COL11A1: variants seen among roughly 807,000 people sequenced by gnomAD.
COL11A1 encodes the protein collagen alpha-1(XI) chain.
COL11A1 carries 74 observed loss-of-function variants against 265.2 expected under a neutral mutation model. That is an observed-to-expected ratio of 0.28 (90% CI 0.23 to 0.34). The LOEUF is 0.34. Ranked by LOEUF, COL11A1 falls within the 10% of genes least tolerant of loss-of-function variation. The pLI is 1.00. For synonymous variants in COL11A1, 816 were observed against 727.6 expected (o/e 1.12, Z -1.96); for missense variants, 2,165 against 2,263.6 (o/e 0.96, Z 0.88).
chr1:102,894,105 A>T (rs1156440295), intron 57 of COL11A1, among the ~76,000 whole-genome samples: 1 of 152,194 alleles, frequency 6.6e-6, no homozygotes, highest in Admixed American at 6.5e-5. Context: ...AACAAAATAA[A>T]ACCTTAAAGC....
rs533331434 is a variant in COL11A1 at position 102,931,993 on chromosome 1, C to T, written c.3600+2456G>A. Among the ~76,000 whole-genome samples, 139 of 150,254 alleles carry T rather than the reference C, an allele frequency of 9.3e-4. 1 individual carries two copies. In the Middle Eastern group the frequency reaches 0.01, roughly 11 times the overall value. Reference sequence around the variant, plus strand: ...TTTTGAGCCTATGTGTGTCTCTGCACGTGAGATGGGTTTCCTGAATACAGC... The same window carrying T: ...TTTTGAGCCTATGTGTGTCTCTGCATGTGAGATGGGTTTCCTGAATACAGC... On this transcript the variant is annotated intron_variant, in intron 46 of 66. Transcript: ENST00000370096.
intron 41 of COL11A1, among the ~76,000 whole-genome samples, chr1:102,952,706 G>T (rs1488113503): frequency 6.6e-6 from 1 of 152,134 alleles, no homozygotes. Flanking sequence ...TGTAATAACA[G>T]CATGCTCTGC....
chr1:103,085,504 A>G (rs1672777992), intron 1 of COL11A1, among the ~76,000 whole-genome samples: 1 of 149,564 alleles, frequency 6.7e-6, no homozygotes, highest in Non-Finnish European at 1.5e-5. Flanking sequence ...TAATCGCCAC[A>G]TAGTGGCCCT....
In COL11A1 at chr1:103,108,389, C is replaced by A; in HGVS notation, c.-211G>T. 3 of 616,148 alleles carry A rather than the reference C, an allele frequency of 4.9e-6. No homozygotes were observed. Among genetic ancestry groups the A allele is most frequent in the Non-Finnish European group, 5.8e-6 (2 of 345,200 alleles). The allele number at this position is 616,148 out of a possible 1,614,324, so 38.2% of individuals were successfully genotyped here. A position where few individuals can be genotyped will look rare whatever the true frequency, so the allele number is the denominator to read the frequency against. ...TTCCTCTCCCTCTGAGTTGGCCCCA[C>A]CGGCCGGGACCCTCCGGCCGCGACC... On this transcript the variant is annotated 5_prime_UTR_variant, in exon 1 of 67. Transcript: ENST00000370096.
intron 30 of COL11A1, among the ~76,000 whole-genome samples, chr1:102,987,253 GAT>G (rs36080080): frequency 6.0e-5 from 9 of 149,432 alleles, no homozygotes; most frequent in African/African-American, 1.7e-4. Context: ...ATACATGTAG[GAT>G]ATATATATAT....
intron 7 of COL11A1, among the ~76,000 whole-genome samples, chr1:103,023,808 T>C (rs12749646): frequency 0.079 from 12,041 of 152,216 alleles, 535 homozygotes; most frequent in Middle Eastern, 0.15. Context: ...AATGATTATG[T>C]AGAGTATCTC....
Position 103,019,948 on chromosome 1 carries a change from A to G in COL11A1, c.1309-1089T>C, listed in dbSNP as rs545359066. 2.8e-5 allele frequency among the ~76,000 whole-genome samples: 4 copies of G among 145,038 alleles called. No individual in the cohort carries two copies. The East Asian group carries it at 6.4e-4, about 23-fold the overall frequency. ...ATTTTTTATGGCTGCATAGTATTCC[A>G]TGGTGTATATGTGCCACATTTTCTT... On this transcript the variant is annotated intron_variant, in intron 9 of 66. Coordinates refer to ENST00000370096, the MANE Select transcript of COL11A1 (RefSeq NM_001854.4).
intron 6 of COL11A1, chr1:103,025,859 A>C (rs1667467237): frequency 6.2e-7 from 1 of 1,613,082 alleles, no homozygotes; most frequent in Admixed American, 1.7e-5. Flanking sequence ...TTGGATGAAA[A>C]TTTTTCAGAT....
At chr1:103,001,052 C>T (rs2101822215) in intron 24 of COL11A1, 1 of 395,878 alleles carries the variant, frequency 2.5e-6, no homozygotes, top group Non-Finnish European at 4.5e-6. Context: ...GTTTCATTCA[C>T]ATGAAATATT....
intron 4 of COL11A1, among the ~76,000 whole-genome samples, chr1:103,060,805 A>T (rs1670618677): frequency 6.6e-6 from 1 of 152,174 alleles, no homozygotes; most frequent in Admixed American, 6.6e-5. Flanking sequence ...CTACAAAAAA[A>T]TAGAAAAGAA....
chr1:103,048,820 A>T (rs904200414), intron 4 of COL11A1, among the ~76,000 whole-genome samples: 1 of 152,098 alleles, frequency 6.6e-6, no homozygotes, highest in Non-Finnish European at 1.5e-5. Context: ...GTTGGTTTCT[A>T]AGAATATCTT....
At chr1:103,031,811 T>C (rs1348162325) in intron 4 of COL11A1, among the ~76,000 whole-genome samples, 2 of 150,976 alleles carry the variant, frequency 1.3e-5, no homozygotes, top group Non-Finnish European at 3.0e-5. Context: ...AAAATCCAGA[T>C]TAAAAATAAA....
At chr1:102,933,795 C>T (rs1053410839) in intron 46 of COL11A1, among the ~76,000 whole-genome samples, 7 of 152,286 alleles carry the variant, frequency 4.6e-5, no homozygotes, top group African/African-American at 7.2e-5. Context: ...TCTCGTGGTG[C>T]GCCGTTTTTT....
At chr1:102,902,394 T>C (rs1013373597) in intron 54 of COL11A1, among the ~76,000 whole-genome samples, 4 of 152,202 alleles carry the variant, frequency 2.6e-5, no homozygotes, top group African/African-American at 9.7e-5. Flanking sequence ...GTTAGCTATT[T>C]GGATAAACAG....
chr1:102,881,394 C>A (rs866804844), intron 65 of COL11A1, among the ~76,000 whole-genome samples: 5 of 151,986 alleles, frequency 3.3e-5, no homozygotes, highest in Non-Finnish European at 1.5e-5. Flanking sequence ...TTCTTTATAC[C>A]TGATATTTCT....
intron 44 of COL11A1, among the ~76,000 whole-genome samples, chr1:102,936,145 T>C (rs147297774): frequency 0.017 from 2,606 of 152,172 alleles, 39 homozygotes; most frequent in Non-Finnish European, 0.024. Context: ...TTATTAAATA[T>C]TGACCTTGAA....
At chr1:103,043,216 TATATATATA>T (rs1668973149) in intron 4 of COL11A1, among the ~76,000 whole-genome samples, 12 of 93,994 alleles carry the variant, frequency 1.3e-4, no homozygotes, top group East Asian at 2.3e-4. Flanking sequence ...ATATATGAAA[TATATATATA>T]ATGTATATAT....
chr1:103,055,465 T>A (rs13374615), intron 4 of COL11A1, among the ~76,000 whole-genome samples: 4,652 of 152,316 alleles, frequency 0.031, 269 homozygotes, highest in African/African-American at 0.11. Flanking sequence ...TTAATTTTTT[T>A]AAATAGTGAT....
intron 1 of COL11A1, among the ~76,000 whole-genome samples, chr1:103,087,162 A>AT (rs1447412234): frequency 2.0e-5 from 3 of 152,210 alleles, no homozygotes; most frequent in African/African-American, 7.2e-5. Context: ...TAATATTTTA[A>AT]TTATCTCTAT....
Sources: allele counts gnomAD v4.1 joint callset (sites outside exome capture counted in the v4.1 genomes callset), GRCh38; gene constraint gnomAD v4.1.1; transcripts MANE v1.5; gene names NCBI Gene and HGNC (gene_info 2026-07-23, HGNC 2026-07-21).